The following GRM3 variants were observed in gnomAD, a reference collection of about 807,000 sequenced individuals.
GRM3 encodes the protein metabotropic glutamate receptor 3.
GRM3 carries 26 observed loss-of-function variants against 70.5 expected under a neutral mutation model. The ratio of observed to expected loss-of-function variants is 0.37; its 90% confidence interval spans 0.27 to 0.51. GRM3 has a LOEUF of 0.51. Among genes scored for constraint, GRM3 ranks in the 20% least tolerant of loss-of-function variants. The pLI, the probability that GRM3 is intolerant of heterozygous loss-of-function variation, is 0.93. For missense variants in GRM3, 859 were observed against 1,123.8 expected (o/e 0.76, Z 3.37); for synonymous variants, 443 against 434.9 (o/e 1.02, Z -0.23).
chr7:86,674,676 A>G (rs1794262087), intron 1 of GRM3, among the ~76,000 whole-genome samples: 1 of 152,154 alleles, frequency 6.6e-6, no homozygotes, highest in Admixed American at 6.6e-5. Flanking sequence ...GTTTCTTTAC[A>G]TAGCTTACAA....
At chr7:86,744,594 T>C (rs1186846125) in intron 1 of GRM3, among the ~76,000 whole-genome samples, 1 of 151,878 alleles carries the variant, frequency 6.6e-6, no homozygotes, top group Non-Finnish European at 1.5e-5. Flanking sequence ...TTAAAACCTT[T>C]TGCTGCCATA....
At chr7:86,728,635 AG>A (rs1374216221) in intron 1 of GRM3, among the ~76,000 whole-genome samples, 2 of 152,112 alleles carry the variant, frequency 1.3e-5, no homozygotes, top group Admixed American at 6.5e-5. Context: ...TCCTCTTGAC[AG>A]GCTTCTGTTT....
At chr7:86,861,119 G>C (rs1798949007) in intron 5 of GRM3, among the ~76,000 whole-genome samples, 1 of 152,222 alleles carries the variant, frequency 6.6e-6, no homozygotes, top group Non-Finnish European at 1.5e-5. Context: ...ACCTGAGTCA[G>C]TTCTCTTGGC....
chr7:86,648,679 A>G (rs1343457842), intron 1 of GRM3, among the ~76,000 whole-genome samples: 1 of 152,160 alleles, frequency 6.6e-6, no homozygotes, highest in Admixed American at 6.6e-5. Flanking sequence ...GTATTTCGAT[A>G]TATATGGAGG....
chr7:86,746,341 T>TTTTATA lies in GRM3; in HGVS notation c.-140-18664_-140-18663insTTATAT, dbSNP rs1388333232. ...TGACTAATAGAGGGTCAGTCATGTA[T>TTTTATA]TATATATATATATATATATATATAT... is the stretch of plus-strand genomic sequence containing the variant. On this transcript the variant is annotated intron_variant, in intron 1 of 5. Transcript: ENST00000361669. 7.1e-3 allele frequency among the ~76,000 whole-genome samples: 618 copies of TTTTATA among 87,416 alleles called. 18 individuals are homozygous for TTTTATA. Among genetic ancestry groups the TTTTATA allele is most frequent in the African/African-American group, 0.033 (552 of 16,798 alleles). 57.3% of individuals were successfully genotyped at this position (87,416 alleles called of 152,430 possible).
rs191927302 is a variant in GRM3 at position 86,821,198 on chromosome 7, A to T, written c.1325-17641A>T. On this transcript the variant is annotated intron_variant, in intron 3 of 5. Coordinates refer to ENST00000361669, the MANE Select transcript of GRM3 (RefSeq NM_000840.3). ...GTTTTTTTTAACTAGAAAGAGAAAG[A>T]TTATGTCATAAACATGTAGTTTAAT... Among the ~76,000 whole-genome samples, 335 of 152,242 alleles carry T rather than the reference A, an allele frequency of 2.2e-3. 1 individual carries two copies. Among genetic ancestry groups the T allele is most frequent in the Non-Finnish European group, 3.7e-3 (250 of 67,988 alleles).
chr7:86,687,551 T>C (rs565905694), intron 1 of GRM3, among the ~76,000 whole-genome samples: 1 of 151,714 alleles, frequency 6.6e-6, no homozygotes, highest in Admixed American at 6.6e-5. Context: ...GAAAGCAAAA[T>C]AGACATTTTC....
intron 5 of GRM3, among the ~76,000 whole-genome samples, chr7:86,859,641 A>C (rs1275330852): frequency 6.6e-6 from 1 of 152,038 alleles, no homozygotes; most frequent in African/African-American, 2.4e-5. Context: ...TGAAATGTTT[A>C]TTTTTTTTCT....
chr7:86,736,615 A>G (rs943806594), intron 1 of GRM3, among the ~76,000 whole-genome samples: 2 of 152,180 alleles, frequency 1.3e-5, no homozygotes, highest in African/African-American at 2.4e-5. Flanking sequence ...TGGCTCTGCC[A>G]TCTTCCACAT....
chr7:86,658,634 G>A (rs1793810278), intron 1 of GRM3, among the ~76,000 whole-genome samples: 1 of 152,100 alleles, frequency 6.6e-6, no homozygotes, highest in African/African-American at 2.4e-5. Context: ...TCACTTACAG[G>A]TGTATATTAC....
intron 1 of GRM3, among the ~76,000 whole-genome samples, chr7:86,719,482 A>G (rs1262913289): frequency 1.3e-5 from 2 of 152,084 alleles, no homozygotes; most frequent in Non-Finnish European, 2.9e-5. Flanking sequence ...TTATTGTGCA[A>G]TGTAATAAAT....
intron 3 of GRM3, among the ~76,000 whole-genome samples, chr7:86,826,274 C>T (rs1798231387): frequency 6.6e-6 from 1 of 152,176 alleles, no homozygotes; most frequent in Admixed American, 6.5e-5. Flanking sequence ...TGCATTCAGA[C>T]CCCACTTAAC....
At chr7:86,742,558 G>GT (rs1362958140) in intron 1 of GRM3, among the ~76,000 whole-genome samples, 6 of 152,082 alleles carry the variant, frequency 3.9e-5, no homozygotes, top group Admixed American at 3.3e-4. Context: ...AGATGTAAGA[G>GT]GAAGGATAAA....
intron 2 of GRM3, among the ~76,000 whole-genome samples, chr7:86,780,880 G>C (rs1474480751): frequency 6.6e-6 from 1 of 152,180 alleles, no homozygotes; most frequent in Non-Finnish European, 1.5e-5. Flanking sequence ...AAATAAAGGA[G>C]TTTATGGCTT....
intron 2 of GRM3, among the ~76,000 whole-genome samples, chr7:86,770,376 C>A (rs1384332203): frequency 2.0e-5 from 3 of 152,020 alleles, no homozygotes; most frequent in Non-Finnish European, 4.4e-5. Context: ...AGAAATTTTC[C>A]AGAATTTCTA....
intron 3 of GRM3, among the ~76,000 whole-genome samples, chr7:86,834,153 AG>A (rs1798411074): frequency 6.6e-6 from 1 of 152,190 alleles, no homozygotes; most frequent in African/African-American, 2.4e-5. Context: ...ACATGTACAT[AG>A]TTTTTACAGG....
intron 1 of GRM3, among the ~76,000 whole-genome samples, chr7:86,737,464 T>C (rs2237551): frequency 0.023 from 3,524 of 152,294 alleles, 70 homozygotes; most frequent in East Asian, 0.063. Context: ...GCTACTGCAT[T>C]TGTAAAACAT....
At chr7:86,711,289 T>A (rs1301747796) in intron 1 of GRM3, among the ~76,000 whole-genome samples, 1 of 152,016 alleles carries the variant, frequency 6.6e-6, no homozygotes, top group Non-Finnish European at 1.5e-5. Context: ...TAATGGACAA[T>A]TTTGCAGAGC....
intron 3 of GRM3, among the ~76,000 whole-genome samples, chr7:86,814,512 G>A (rs1013011): frequency 0.053 from 8,110 of 151,832 alleles, 692 homozygotes; most frequent in African/African-American, 0.18. Flanking sequence ...GACTACTAGA[G>A]GATGTGGTAG....
Sources: allele counts gnomAD v4.1 joint callset (sites outside exome capture counted in the v4.1 genomes callset), GRCh38; gene constraint gnomAD v4.1.1; transcripts MANE v1.5; gene names NCBI Gene and HGNC (gene_info 2026-07-23, HGNC 2026-07-21).